The following WARS2 variants were observed in gnomAD, a reference collection of about 807,000 sequenced individuals.
WARS2 encodes tryptophan--tRNA ligase, mitochondrial.
Under a neutral mutation model 36.5 loss-of-function variants are expected in WARS2, and 28 were observed. That is an observed-to-expected ratio of 0.77 (90% CI 0.57 to 1.05). The LOEUF is 1.05. Among genes scored for constraint, WARS2 ranks in the 50% least tolerant of loss-of-function variants. WARS2 has a pLI of 0.00. For synonymous variants in WARS2, 174 were observed against 178.4 expected (o/e 0.98, Z 0.20); for missense variants, 435 against 456.8 (o/e 0.95, Z 0.44).
intron 5 of WARS2, 105 bp from the exon 6 acceptor site, chr1:119,033,464 T>C (rs1647620042): frequency 6.9e-7 from 1 of 1,450,792 alleles, no homozygotes; most frequent in Non-Finnish European, 9.4e-7. Context: ...GTTTGAATTA[T>C]GATTTTTCAA....
intron 2 of WARS2, chr1:119,064,828 T>A (rs989158974): frequency 6.6e-6 from 1 of 151,154 alleles, no homozygotes; most frequent in Non-Finnish European, 1.5e-5. Context: ...AACAGACTAA[T>A]ACAATGATGT....
Position 119,073,606 on chromosome 1 carries a change from G to A in WARS2, c.348+2744C>T, listed in dbSNP as rs1212955775. Among the ~76,000 whole-genome samples, 6 of 152,070 alleles carry A rather than the reference G, an allele frequency of 3.9e-5. No individual in the cohort carries two copies. The East Asian group carries it at 7.7e-4, about 20-fold the overall frequency. On this transcript the variant is annotated intron_variant, in intron 2 of 5. Transcript: ENST00000235521. ...TGCATTAAGGCTATGAGGAGAAGAC[G>A]GGCACATACCAGTCAAGTCTGTCCC...
chr1:119,128,186 T>C (rs1174684422), intron 1 of WARS2, among the ~76,000 whole-genome samples: 1 of 152,102 alleles, frequency 6.6e-6, no homozygotes, highest in Non-Finnish European at 1.5e-5. Context: ...GCTATTATCC[T>C]ACCTCAGCTT....
chr1:119,128,639 T>C (rs587681743), intron 1 of WARS2, among the ~76,000 whole-genome samples: 1 of 125,866 alleles, frequency 7.9e-6, no homozygotes, highest in African/African-American at 3.0e-5. Context: ...ATGATCTCCC[T>C]GCAGAAAATG....
chr1:119,090,688 G>A (rs587603916), intron 1 of WARS2, among the ~76,000 whole-genome samples: 4 of 152,156 alleles, frequency 2.6e-5, no homozygotes, highest in Admixed American at 2.0e-4. Flanking sequence ...CCTGGTCAAC[G>A]TAGGGAGATC....
At chr1:119,036,828 T>C (rs1432542196) in intron 4 of WARS2, among the ~76,000 whole-genome samples, 5 of 152,222 alleles carry the variant, frequency 3.3e-5, no homozygotes, top group Non-Finnish European at 7.3e-5. Context: ...TTAATCTTTT[T>C]CATCTGCCCC....
At chr1:119,058,958 T>C (rs944597297) in intron 2 of WARS2, among the ~76,000 whole-genome samples, 7 of 152,026 alleles carry the variant, frequency 4.6e-5, no homozygotes, top group Non-Finnish European at 1.0e-4. Flanking sequence ...CTCCACATCC[T>C]CTCCAGGACC....
At chr1:119,070,998 C>G (rs1651262937) in intron 2 of WARS2, among the ~76,000 whole-genome samples, 1 of 151,968 alleles carries the variant, frequency 6.6e-6, no homozygotes, top group South Asian at 2.1e-4. Flanking sequence ...GCCTGGCCAA[C>G]ATGGTGAAAC....
At chr1:119,122,585 G>A (rs1456210168) in intron 1 of WARS2, among the ~76,000 whole-genome samples, 5 of 152,114 alleles carry the variant, frequency 3.3e-5, no homozygotes, top group Non-Finnish European at 4.4e-5. Flanking sequence ...AAAAAGATAT[G>A]TAGACACACA....
intron 1 of WARS2, among the ~76,000 whole-genome samples, chr1:119,133,061 C>T (rs587598715): frequency 6.6e-6 from 1 of 152,304 alleles, no homozygotes; most frequent in East Asian, 1.9e-4. Context: ...CTCACCACCT[C>T]TCCTCTACCT....
intron 1 of WARS2, chr1:119,085,946 A>G: frequency 6.2e-7 from 1 of 1,610,380 alleles, no homozygotes; most frequent in Non-Finnish European, 8.5e-7. Context: ...CCTTAGTTAA[A>G]GGGTTCATCT....
intron 1 of WARS2, among the ~76,000 whole-genome samples, chr1:119,120,273 A>G (rs1292340606): frequency 6.6e-6 from 1 of 152,114 alleles, no homozygotes; most frequent in Non-Finnish European, 1.5e-5. Context: ...TACTATGAAC[A>G]CCTTTATGTG....
chr1:119,112,216 C>T (rs1002672082), intron 1 of WARS2, among the ~76,000 whole-genome samples: 2 of 152,188 alleles, frequency 1.3e-5, no homozygotes, highest in Non-Finnish European at 2.9e-5. Context: ...GCCACCACGT[C>T]TAGCCTGTTC....
intron 1 of WARS2, among the ~76,000 whole-genome samples, chr1:119,111,108 TCTCATATTC>T (rs1228351231): frequency 6.6e-6 from 1 of 152,206 alleles, no homozygotes; most frequent in African/African-American, 2.4e-5. Context: ...GTCTAATAAT[TCTCATATTC>T]CTGACATATC....
intron 4 of WARS2, among the ~76,000 whole-genome samples, chr1:119,041,991 C>T (rs913870561): frequency 2.6e-5 from 4 of 152,170 alleles, no homozygotes; most frequent in Admixed American, 6.5e-5. Context: ...AAAGTACTTA[C>T]AATGGTTTCC....
intron 1 of WARS2, among the ~76,000 whole-genome samples, chr1:119,095,286 T>TA: frequency 6.6e-6 from 1 of 152,246 alleles, no homozygotes; most frequent in Non-Finnish European, 1.5e-5. Context: ...GCTACACTGC[T>TA]ATATATAATT....
intron 1 of WARS2, chr1:119,140,318 C>T: frequency 2.7e-6 from 1 of 375,808 alleles, no homozygotes; most frequent in Non-Finnish European, 4.8e-6. Flanking sequence ...CTGGAGGTGG[C>T]GGCAAGAGGT....
At chr1:119,138,041 G>A (rs1656634333) in intron 1 of WARS2, among the ~76,000 whole-genome samples, 1 of 152,142 alleles carries the variant, frequency 6.6e-6, no homozygotes, top group Admixed American at 6.5e-5. Context: ...GCACAGCCAA[G>A]GCTAATAAAA....
At chr1:119,080,554 G>T in intron 1 of WARS2, among the ~76,000 whole-genome samples, 1 of 152,054 alleles carries the variant, frequency 6.6e-6, no homozygotes, top group Non-Finnish European at 1.5e-5. Context: ...TTTTCAAGGC[G>T]CTGTTAAAAA....
Sources: gnomAD v4.1 joint callset for allele counts (sites outside exome capture counted in the v4.1 genomes callset) on GRCh38, gnomAD v4.1.1 for gene constraint, MANE v1.5 for transcripts, NCBI Gene and HGNC (gene_info 2026-07-23, HGNC 2026-07-21) for gene names.